The following DACH1 variants were observed in gnomAD, a reference collection of about 807,000 sequenced individuals.
The protein encoded by DACH1 is dachshund family transcription factor 1.
Under a neutral mutation model 54.2 loss-of-function variants are expected in DACH1, and 12 were observed. The observed-to-expected ratio is 0.22, with a 90% CI of 0.14 to 0.36. The LOEUF is 0.36. Ranked by LOEUF, DACH1 falls within the 10% of genes least tolerant of loss-of-function variation. The probability of loss-of-function intolerance (pLI) is 1.00; values close to 1 mark genes in which losing one functional copy is unlikely to be tolerated. For missense variants in DACH1, 805 were observed against 929.8 expected, an observed-to-expected ratio of 0.87 and a Z score of 1.75; for synonymous variants, 386 against 366.2, an observed-to-expected ratio of 1.05 and a Z score of -0.62.
At chr13:71,798,118 A>G (rs990874891) in intron 1 of DACH1, among the ~76,000 whole-genome samples, 3 of 151,884 alleles carry the variant, frequency 2.0e-5, no homozygotes, top group Non-Finnish European at 4.4e-5. Flanking sequence ...TAGGTATAGA[A>G]AAGTAAATTA....
intron 1 of DACH1, among the ~76,000 whole-genome samples, chr13:71,796,371 T>C (rs531430731): frequency 5.9e-5 from 9 of 152,236 alleles, no homozygotes; most frequent in African/African-American, 2.2e-4. Context: ...ATAGCTATTA[T>C]AAAAATCTTA....
chr13:71,756,054 G>A (rs985022775), intron 1 of DACH1, among the ~76,000 whole-genome samples: 2 of 151,084 alleles, frequency 1.3e-5, no homozygotes, highest in South Asian at 2.1e-4. Context: ...CTTTTAAGAC[G>A]AAGTCTCACT....
chr13:71,522,538 G>A (rs1275016481), intron 6 of DACH1, among the ~76,000 whole-genome samples: 2 of 151,992 alleles, frequency 1.3e-5, no homozygotes, highest in African/African-American at 4.8e-5. Context: ...CTGCTACTCT[G>A]GAGGCTGAGG....
chr13:71,663,002 A>G (rs902311614), intron 2 of DACH1, among the ~76,000 whole-genome samples: 2 of 152,018 alleles, frequency 1.3e-5, no homozygotes, highest in African/African-American at 2.4e-5. Flanking sequence ...ACATTTCTAA[A>G]GTGCGCATTT....
chr13:71,809,347 T>G (rs1045756931), intron 1 of DACH1, among the ~76,000 whole-genome samples: 3 of 152,056 alleles, frequency 2.0e-5, no homozygotes, highest in Admixed American at 6.5e-5. Context: ...ACTTTTTTGT[T>G]TTTTGCAGAG....
At chr13:71,475,374 T>G (rs1448768454) in intron 9 of DACH1, among the ~76,000 whole-genome samples, 165 bp from the exon 10 acceptor site, 1 of 152,226 alleles carries the variant, frequency 6.6e-6, no homozygotes, top group Non-Finnish European at 1.5e-5. Flanking sequence ...TTTCGGAAGA[T>G]TTGAACAGTA....
intron 1 of DACH1, among the ~76,000 whole-genome samples, chr13:71,755,743 T>A (rs1489909498): frequency 6.6e-6 from 1 of 152,206 alleles, no homozygotes; most frequent in Non-Finnish European, 1.5e-5. Context: ...CAGACTTGTA[T>A]AATGTCTTCA....
chr13:71,499,445 A>G (rs80257769), intron 6 of DACH1, among the ~76,000 whole-genome samples: 1 of 152,312 alleles, frequency 6.6e-6, no homozygotes, highest in African/African-American at 2.4e-5. Flanking sequence ...GGAAACAATC[A>G]TAACATTTGT....
intron 6 of DACH1, among the ~76,000 whole-genome samples, chr13:71,552,434 C>G (rs140386264): frequency 6.6e-6 from 1 of 151,748 alleles, no homozygotes; most frequent in African/African-American, 2.4e-5. Flanking sequence ...TTAGGTAAAT[C>G]GTATAATAAC....
At chr13:71,721,142 T>A (rs1203962292) in intron 1 of DACH1, among the ~76,000 whole-genome samples, 1 of 152,210 alleles carries the variant, frequency 6.6e-6, no homozygotes, top group Non-Finnish European at 1.5e-5. Context: ...GATTTCCCTA[T>A]ACATAGTGTC....
chr13:71,847,387 A>G (rs959811592), intron 1 of DACH1, among the ~76,000 whole-genome samples: 2 of 152,206 alleles, frequency 1.3e-5, no homozygotes, highest in Admixed American at 1.3e-4. Flanking sequence ...TTGCATTTAT[A>G]ATGGGTGCCT....
chr13:71,515,015 T>C (rs1004626464), intron 6 of DACH1, among the ~76,000 whole-genome samples: 54 of 151,884 alleles, frequency 3.6e-4, no homozygotes, highest in Admixed American at 3.6e-3. Flanking sequence ...GTTAGGTTTT[T>C]TTATTTGATT....
intron 1 of DACH1, among the ~76,000 whole-genome samples, chr13:71,717,721 T>G (rs188381508): frequency 6.6e-6 from 1 of 152,026 alleles, no homozygotes; most frequent in Non-Finnish European, 1.5e-5. Context: ...TCCTGCTACT[T>G]AGGAATATAA....
intron 3 of DACH1, among the ~76,000 whole-genome samples, chr13:71,595,883 A>C (rs776448835): frequency 6.6e-6 from 1 of 152,180 alleles, no homozygotes. Flanking sequence ...AGGTTTCAAC[A>C]TGAATGCTGC....
chr13:71,448,016 C>A (rs1239973782), intron 10 of DACH1, among the ~76,000 whole-genome samples: 1 of 152,144 alleles, frequency 6.6e-6, no homozygotes, highest in Non-Finnish European at 1.5e-5. Context: ...GGGAAGAACT[C>A]CCTCACAAAC....
intron 1 of DACH1, among the ~76,000 whole-genome samples, chr13:71,797,258 T>C (rs1318454595): frequency 6.6e-6 from 1 of 152,112 alleles, no homozygotes; most frequent in Admixed American, 6.6e-5. Flanking sequence ...CTAACAAATG[T>C]CCCAGTTTCA....
At chr13:71,748,890 CTTTCTTTCTCTTTCTTTCTTTCTTTCTT>C (rs1276192076) in intron 1 of DACH1, among the ~76,000 whole-genome samples, 117 of 88,166 alleles carry the variant, frequency 1.3e-3, no homozygotes, top group African/African-American at 5.7e-3. Flanking sequence ...TTCTTTCTTT[CTTTCTTTCTCTTTCTTTCTTTCTTTCTT>C]TCTTTCTTTC....
intron 1 of DACH1, among the ~76,000 whole-genome samples, chr13:71,760,744 A>G (rs556220839): frequency 6.6e-6 from 1 of 152,246 alleles, no homozygotes; most frequent in African/African-American, 2.4e-5. Context: ...TCCAAATACA[A>G]TTCAGTTATC....
At chr13:71,569,595 T>G (rs890640985) in intron 4 of DACH1, among the ~76,000 whole-genome samples, 3 of 152,152 alleles carry the variant, frequency 2.0e-5, no homozygotes, top group Admixed American at 2.0e-4. Flanking sequence ...CTCCATTTCA[T>G]GTACTGGCAT....
Sources: gnomAD v4.1 joint callset for allele counts (sites outside exome capture counted in the v4.1 genomes callset) on GRCh38, gnomAD v4.1.1 for gene constraint, MANE v1.5 for transcripts, NCBI Gene and HGNC (gene_info 2026-07-23, HGNC 2026-07-21) for gene names.